Variants in NELL1 observed in about 807,000 individuals in gnomAD.
NELL1 encodes the protein neural EGFL like 1.
In NELL1, 76 loss-of-function variants were observed where a neutral mutation model predicts 107.4. The ratio of observed to expected loss-of-function variants is 0.71; its 90% CI spans 0.59 to 0.86. The LOEUF (loss-of-function observed/expected upper bound fraction) is 0.86, where lower values mean the gene tolerates loss of function less well. Ranked by LOEUF, NELL1 falls within the 40% of genes least tolerant of loss-of-function variation. The pLI, the probability that NELL1 is intolerant of heterozygous loss-of-function variation, is 0.00. For missense variants in NELL1, 1,024 were observed against 1,005.5 expected (o/e 1.02, Z -0.25); for synonymous variants, 353 against 341.2 (o/e 1.03, Z -0.38).
intron 2 of NELL1, 97 bp from the exon 3 acceptor site, chr11:20,783,583 C>G: frequency 1.3e-6 from 1 of 788,580 alleles, no homozygotes; most frequent in Non-Finnish European, 1.9e-6. Context: ...TCTTCCTTCT[C>G]ATCTCCCCTC....
chr11:21,510,518 TG>T lies in NELL1; in HGVS notation c.1646-23855del, dbSNP rs1484214283. 3.3e-5 allele frequency among the ~76,000 whole-genome samples: 5 copies of T among 152,284 alleles called. No homozygotes were observed. The East Asian group carries it at 9.7e-4, about 29-fold the overall frequency. ...TGAAAAATAAACATTTGTTGAGAGCTGAACCTAGATACAATGTGGGGGAACA... is the reference window on the plus strand; with the variant it reads ...TGAAAAATAAACATTTGTTGAGAGCTAACCTAGATACAATGTGGGGGAACA... On this transcript the variant is annotated intron_variant, in intron 15 of 19. Coordinates refer to ENST00000357134, the MANE Select transcript of NELL1 (RefSeq NM_006157.5).
At chr11:21,007,490 G>A (rs118067753) in intron 12 of NELL1, among the ~76,000 whole-genome samples, 8 of 152,192 alleles carry the variant, frequency 5.3e-5, no homozygotes, top group East Asian at 3.9e-4. Flanking sequence ...GCCTGGGGCC[G>A]CTCTCTGCAG....
At chr11:21,552,156 A>C (rs1856606561) in intron 16 of NELL1, among the ~76,000 whole-genome samples, 1 of 112,916 alleles carries the variant, frequency 8.9e-6, no homozygotes, top group Non-Finnish European at 1.8e-5. Flanking sequence ...GGGAGGGGGG[A>C]GGGATAGCAT....
Position 20,930,527 on chromosome 11 carries a change from G to A in NELL1, c.997+2048G>A, listed in dbSNP as rs1055143343. Among the ~76,000 whole-genome samples, 7 of 151,818 alleles carry A rather than the reference G, an allele frequency of 4.6e-5. No homozygotes were observed. The East Asian group carries it at 7.7e-4, about 17-fold the overall frequency. ...CCCACTTTTCACTATTATAAAGCACGCTTAAATAACATGTTTTGTATAGAA... is the reference window on the plus strand; with the variant it reads ...CCCACTTTTCACTATTATAAAGCACACTTAAATAACATGTTTTGTATAGAA... On this transcript the variant is annotated intron_variant, in intron 9 of 19. Transcript: ENST00000357134.
chr11:21,468,105 G>T (rs768045368), intron 15 of NELL1, among the ~76,000 whole-genome samples: 11 of 151,954 alleles, frequency 7.2e-5, no homozygotes, highest in Non-Finnish European at 1.2e-4. Flanking sequence ...CTAATATCTG[G>T]CATTTTAATT....
At chr11:21,262,189 A>G (rs1848547001) in intron 14 of NELL1, among the ~76,000 whole-genome samples, 1 of 151,784 alleles carries the variant, frequency 6.6e-6, no homozygotes, top group African/African-American at 2.4e-5. Flanking sequence ...ACCCTCTAAG[A>G]CATTAACTCT....
intron 12 of NELL1, among the ~76,000 whole-genome samples, chr11:20,998,567 A>G (rs1357254238): frequency 6.6e-6 from 1 of 152,192 alleles, no homozygotes; most frequent in Non-Finnish European, 1.5e-5. Flanking sequence ...ATCCAAATTT[A>G]TCATCTCTCC....
intron 15 of NELL1, among the ~76,000 whole-genome samples, chr11:21,431,189 T>C (rs1318815484): frequency 6.6e-6 from 1 of 152,162 alleles, no homozygotes; most frequent in African/African-American, 2.4e-5. Flanking sequence ...ACTTCATTTA[T>C]GGTCCCATTT....
chr11:21,126,310 A>G (rs999675847), intron 13 of NELL1, among the ~76,000 whole-genome samples: 11 of 152,180 alleles, frequency 7.2e-5, no homozygotes, highest in Admixed American at 5.9e-4. Flanking sequence ...CCACTGAAGA[A>G]CCTATTCACG....
At chr11:21,248,832 C>T (rs780930613) in intron 14 of NELL1, among the ~76,000 whole-genome samples, 1 of 152,168 alleles carries the variant, frequency 6.6e-6, no homozygotes, top group Non-Finnish European at 1.5e-5. Flanking sequence ...TCCTGTTACA[C>T]AAGCCAATCA....
intron 13 of NELL1, among the ~76,000 whole-genome samples, chr11:21,160,565 C>A (rs1856340988): frequency 6.6e-6 from 1 of 152,138 alleles, no homozygotes; most frequent in South Asian, 2.1e-4. Context: ...TTGTATTTTT[C>A]TGATATTCTA....
chr11:21,467,618 A>G (rs1235248391), intron 15 of NELL1, among the ~76,000 whole-genome samples: 2 of 152,092 alleles, frequency 1.3e-5, no homozygotes, highest in African/African-American at 2.4e-5. Flanking sequence ...CATACTGAGT[A>G]TGCATTATTT....
chr11:20,843,750 A>G (rs1848659086), intron 3 of NELL1, among the ~76,000 whole-genome samples: 1 of 151,128 alleles, frequency 6.6e-6, no homozygotes, highest in Non-Finnish European at 1.5e-5. Context: ...TTTAATAAAA[A>G]TAACTTGATT....
chr11:21,190,042 G>A (rs573543965), intron 13 of NELL1, among the ~76,000 whole-genome samples: 1 of 151,868 alleles, frequency 6.6e-6, no homozygotes, highest in South Asian at 2.1e-4. Flanking sequence ...TTCACCCAGA[G>A]AGTTTATTTA....
chr11:20,698,866 C>T (rs2133877223), intron 2 of NELL1, among the ~76,000 whole-genome samples: 1 of 152,274 alleles, frequency 6.6e-6, no homozygotes, highest in East Asian at 1.9e-4. Context: ...TAGCATAGCT[C>T]CCACTTATAA....
intron 12 of NELL1, among the ~76,000 whole-genome samples, chr11:21,096,302 T>C (rs1854641950): frequency 6.6e-6 from 1 of 152,178 alleles, no homozygotes; most frequent in Admixed American, 6.5e-5. Context: ...AAACGTCCCC[T>C]ACATCCTCAT....
chr11:21,063,516 A>T (rs192048101), intron 12 of NELL1, among the ~76,000 whole-genome samples: 8 of 152,314 alleles, frequency 5.3e-5, no homozygotes, highest in Admixed American at 2.6e-4. Flanking sequence ...CTAGGGGTCC[A>T]CCATGAGTTA....
intron 7 of NELL1, 136 bp from the exon 8 acceptor site, chr11:20,927,172 A>G (rs1850515148): frequency 1.4e-6 from 1 of 717,314 alleles, no homozygotes; most frequent in Admixed American, 3.4e-5. Flanking sequence ...CAAAAAACAG[A>G]TAATGCTAAG....
chr11:20,874,097 C>G (rs1849257735), intron 4 of NELL1, among the ~76,000 whole-genome samples: 1 of 151,782 alleles, frequency 6.6e-6, no homozygotes, highest in South Asian at 2.1e-4. Flanking sequence ...GACAGAGTTT[C>G]CCTCTTGTTG....
Sources: gnomAD v4.1 joint callset for allele counts (sites outside exome capture counted in the v4.1 genomes callset) on GRCh38, gnomAD v4.1.1 for gene constraint, MANE v1.5 for transcripts, NCBI Gene and HGNC (gene_info 2026-07-23, HGNC 2026-07-21) for gene names.